CDH12: variants seen among roughly 807,000 people sequenced by gnomAD.
CDH12 encodes cadherin 12.
In CDH12, 41 loss-of-function variants were observed where a neutral mutation model predicts 74.1. The observed-to-expected ratio is 0.55, with a 90% CI of 0.43 to 0.72. CDH12 has a LOEUF of 0.72. Among genes scored for constraint, CDH12 ranks in the 30% least tolerant of loss-of-function variants. The probability of loss-of-function intolerance (pLI) is 0.00; values close to 1 mark genes in which losing one functional copy is unlikely to be tolerated. For synonymous variants in CDH12, 399 were observed against 355.0 expected (o/e 1.12, Z -1.39); for missense variants, 945 against 977.2 (o/e 0.97, Z 0.44).
At chr5:22,595,896 T>A (rs1256566925) in intron 1 of CDH12, among the ~76,000 whole-genome samples, 2 of 151,466 alleles carry the variant, frequency 1.3e-5, no homozygotes, top group Non-Finnish European at 2.9e-5. Context: ...GCTAACACGG[T>A]GAAACCCCGT....
intron 4 of CDH12, among the ~76,000 whole-genome samples, chr5:22,208,480 C>A (rs990646400): frequency 6.6e-6 from 1 of 152,158 alleles, no homozygotes; most frequent in African/African-American, 2.4e-5. Context: ...TTTCTACTGG[C>A]CTCATTACTG....
intron 1 of CDH12, among the ~76,000 whole-genome samples, chr5:22,506,817 A>G (rs1238058512): frequency 6.6e-6 from 1 of 152,150 alleles, no homozygotes; most frequent in African/African-American, 2.4e-5. Context: ...TAATTAGATA[A>G]CATTATTTCA....
At position 21,900,445 on chromosome 5, in the gene CDH12, G is replaced by T. The variant is rs142316338; in HGVS notation, c.527-45655C>A. On this transcript the variant is annotated intron_variant, in intron 6 of 14. Transcript: ENST00000382254. ...ATTCTAAATAATTAAAATGCCAAAG[G>T]TTATATCACATCATCTTATATCATG... Among the ~76,000 whole-genome samples the T allele has an allele frequency of 4.2e-3, 639 of 152,098 alleles. 3 individuals carry two copies. Among genetic ancestry groups the T allele is most frequent in the African/African-American group, 0.014 (601 of 41,478 alleles).
chr5:22,273,530 C>A (rs1736498088), intron 3 of CDH12, among the ~76,000 whole-genome samples: 1 of 152,126 alleles, frequency 6.6e-6, no homozygotes, highest in Admixed American at 6.5e-5. Flanking sequence ...GTGCAAATTG[C>A]AATTACTTTT....
At chr5:22,038,994 C>T (rs142812697) in intron 5 of CDH12, among the ~76,000 whole-genome samples, 12 of 152,228 alleles carry the variant, frequency 7.9e-5, no homozygotes, top group East Asian at 1.9e-4. Context: ...ATAGCTGTGA[C>T]GCTTCTTGTC....
intron 3 of CDH12, among the ~76,000 whole-genome samples, chr5:22,288,684 G>C (rs1054887961): frequency 2.6e-5 from 4 of 152,118 alleles, no homozygotes; most frequent in Admixed American, 1.3e-4. Flanking sequence ...TTTAAAGTCT[G>C]GGATGTACAG....
At chr5:22,335,561 G>C (rs1416938792) in intron 3 of CDH12, among the ~76,000 whole-genome samples, 1 of 151,752 alleles carries the variant, frequency 6.6e-6, no homozygotes, top group Non-Finnish European at 1.5e-5. Flanking sequence ...CTCCAGGCTG[G>C]GTGACAGAGT....
At chr5:22,405,208 T>A (rs1742890723) in intron 3 of CDH12, 49 bp downstream of exon 3, 12 of 520,544 alleles carry the variant, frequency 2.3e-5, no homozygotes, top group Non-Finnish European at 2.7e-5. Flanking sequence ...AAACTGTCTT[T>A]AAAAAAAATA....
At position 22,445,625 on chromosome 5, in the gene CDH12, C is replaced by T. The variant is rs187165858; in HGVS notation, c.-427-40274G>A. On this transcript the variant is annotated intron_variant, in intron 2 of 14. Transcript: ENST00000382254. ...AATAATGTTTTTATCTTGAACCTCC[C>T]TTTTATATCCAAATTTCTTTAATCA... is the stretch of plus-strand genomic sequence containing the variant. Among the ~76,000 whole-genome samples, 593 of 152,202 alleles carry T rather than the reference C, an allele frequency of 3.9e-3. 3 individuals carry two copies. The highest frequency in any genetic ancestry group is 0.01 in the Middle Eastern group (3 of 294).
chr5:22,217,831 A>T (rs1751873765), intron 3 of CDH12, among the ~76,000 whole-genome samples: 1 of 151,682 alleles, frequency 6.6e-6, no homozygotes. Context: ...TACTGAGTAG[A>T]TAGGTTTACC....
intron 4 of CDH12, among the ~76,000 whole-genome samples, chr5:22,175,371 T>C (rs2150332477): frequency 6.6e-6 from 1 of 152,038 alleles, no homozygotes; most frequent in South Asian, 2.1e-4. Flanking sequence ...TAGCTTCTTC[T>C]GTGTCTATCA....
rs1489947348 is a variant in CDH12 at position 21,752,192 on chromosome 5, C to CT, written c.1929dup (p.Asp644ArgfsTer7). The CT allele has an allele frequency of 1.9e-6, 3 of 1,613,818 alleles. No homozygotes were observed. The highest frequency in any genetic ancestry group is 2.2e-5 in the South Asian group (2 of 91,068). On this transcript the variant is annotated frameshift_variant, in exon 15 of 15. Coordinates refer to ENST00000382254, the MANE Select transcript of CDH12 (RefSeq NM_004061.5). LOFTEE classifies it high-confidence loss of function. ...TCTTCTTTAGAGGTCATCAGGGTGT[C>CT]TTTTTTCTTCTGCCTTCGCAGTGCT...
intron 4 of CDH12, among the ~76,000 whole-genome samples, chr5:22,185,665 T>G (rs1749902664): frequency 6.6e-6 from 1 of 152,166 alleles, no homozygotes; most frequent in Non-Finnish European, 1.5e-5. Context: ...TGTCATAAGG[T>G]AAGGGAAGAT....
At chr5:22,710,313 G>C (rs984685644) in intron 1 of CDH12, among the ~76,000 whole-genome samples, 1 of 152,086 alleles carries the variant, frequency 6.6e-6, no homozygotes, top group South Asian at 2.1e-4. Context: ...ATATATTTAG[G>C]TTTATTTCTA....
intron 11 of CDH12, among the ~76,000 whole-genome samples, chr5:21,774,799 C>T (rs1441785033): frequency 1.3e-5 from 2 of 152,144 alleles, no homozygotes; most frequent in Non-Finnish European, 2.9e-5. Flanking sequence ...GGATTGACAT[C>T]AATTTGGAAT....
rs543327294 is a variant in CDH12, at chr5:22,506,614, T to C, written c.-522-1250A>G. Among the ~76,000 whole-genome samples the C allele has an allele frequency of 1.6e-3, 239 of 152,194 alleles. 2 individuals are homozygous for C. Among genetic ancestry groups the C allele is most frequent in the Middle Eastern group, 3.4e-3 (1 of 294 alleles). On this transcript the variant is annotated intron_variant, in intron 1 of 14. Coordinates refer to ENST00000382254, the MANE Select transcript of CDH12 (RefSeq NM_004061.5). The stretch of plus-strand genomic sequence containing the variant: ...CAGACCTAGACTCAGCCTTTTTTTT[T>C]CAAGGATCTCTGGTTCTTTTTATCA...
chr5:22,464,340 T>C (rs1006988516), intron 2 of CDH12, among the ~76,000 whole-genome samples: 1 of 152,210 alleles, frequency 6.6e-6, no homozygotes, highest in Non-Finnish European at 1.5e-5. Context: ...GCCATTAAAG[T>C]ACAAATATTG....
Position 22,485,925 on chromosome 5 carries a change from G to C in CDH12, c.-428+19345C>G, listed in dbSNP as rs150089746. On this transcript the variant is annotated intron_variant, in intron 2 of 14. Coordinates refer to ENST00000382254, the MANE Select transcript of CDH12 (RefSeq NM_004061.5). ...GAGCAAAAGAATACACAGCCCAAGA[G>C]GGGCAATAGGGTTAAAGCATTTCTG... is the stretch of plus-strand genomic sequence containing the variant. Among the ~76,000 whole-genome samples, 1,115 of 152,282 alleles carry C rather than the reference G, an allele frequency of 7.3e-3. 3 individuals carry two copies. Among genetic ancestry groups the C allele is most frequent in the Admixed American group, 0.022 (339 of 15,296 alleles).
At chr5:22,181,901 G>A (rs904434091) in intron 4 of CDH12, among the ~76,000 whole-genome samples, 7 of 151,886 alleles carry the variant, frequency 4.6e-5, no homozygotes, top group African/African-American at 7.3e-5. Context: ...AAATCATCCC[G>A]GAAGTCTTGC....
Sources: gnomAD v4.1 joint callset for allele counts (sites outside exome capture counted in the v4.1 genomes callset) on GRCh38, gnomAD v4.1.1 for gene constraint, MANE v1.5 for transcripts, NCBI Gene and HGNC (gene_info 2026-07-23, HGNC 2026-07-21) for gene names.